LRRK2: variants seen among roughly 807,000 people sequenced by gnomAD.
LRRK2 encodes leucine-rich repeat serine/threonine-protein kinase 2.
LRRK2 carries 203 observed loss-of-function variants against 302.6 expected under a neutral mutation model. That is an observed-to-expected ratio of 0.67 (90% confidence interval 0.60 to 0.75). The LOEUF (loss-of-function observed/expected upper bound fraction) is 0.75. LRRK2 is among the 30% of genes least tolerant of loss of function. LRRK2 has a pLI of 0.00. For synonymous variants in LRRK2, 1,066 were observed against 1,031.9 expected (o/e 1.03, Z -0.63); for missense variants, 2,830 against 2,951.0 (o/e 0.96, Z 0.95).
chr12:40,287,670 CAGTTA>C, intron 20 of LRRK2, 131 bp downstream of exon 20: 1 of 884,962 alleles, frequency 1.1e-6, no homozygotes, highest in Non-Finnish European at 1.7e-6. Context: ...TTATCGCAAA[CAGTTA>C]AGTTTACTAA....
At chr12:40,336,457 G>A (rs190844553) in intron 40 of LRRK2, among the ~76,000 whole-genome samples, 31 of 152,172 alleles carry the variant, frequency 2.0e-4, no homozygotes, top group Admixed American at 5.2e-4. Flanking sequence ...GGGACTTTTC[G>A]TCTTGTTTGC....
In LRRK2 at chr12:40,359,242, C is replaced by CTT. The variant is rs72546334; in HGVS notation, c.6844-9_6844-8dup. ...ATACTCAATTTGCTGAGTGTGTTTTCTTTTTTTTTTGGCAAAGCTTAAAGG... is the reference window on the plus strand; with the variant it reads ...ATACTCAATTTGCTGAGTGTGTTTTCTTTTTTTTTTTTGGCAAAGCTTAAAGG... On this transcript the variant is annotated splice_polypyrimidine_tract_variant and intron_variant, in intron 46 of 50. Transcript: ENST00000298910. The CTT allele has an allele frequency of 0.028, 32,214 of 1,158,040 alleles. 2 individuals are homozygous for CTT. Among genetic ancestry groups the CTT allele is most frequent in the Non-Finnish European group, 0.03 (24,954 of 819,614 alleles). 71.7% of individuals were successfully genotyped at this position (1,158,040 alleles called of 1,614,324 possible).
chr12:40,290,778 T>A (rs1264423795), intron 20 of LRRK2, among the ~76,000 whole-genome samples: 3 of 152,108 alleles, frequency 2.0e-5, no homozygotes, highest in Non-Finnish European at 4.4e-5. Flanking sequence ...TTTTCTCTAT[T>A]GTTTGTGTTA....
intron 22 of LRRK2, among the ~76,000 whole-genome samples, 167 bp from the exon 23 acceptor site, chr12:40,295,260 T>C (rs1210358304): frequency 6.6e-6 from 1 of 152,142 alleles, no homozygotes; most frequent in Non-Finnish European, 1.5e-5. Flanking sequence ...GCTTTTTATT[T>C]ACTGTTCATC....
chr12:40,278,067 A>C, intron 17 of LRRK2, 24 bp from the exon 18 acceptor site: 1 of 1,613,862 alleles, frequency 6.2e-7, no homozygotes, highest in East Asian at 2.2e-5. Flanking sequence ...ATCTGACTCT[A>C]ATTCTCATTT....
chr12:40,245,393 A>G (rs1941934652), intron 7 of LRRK2, among the ~76,000 whole-genome samples: 1 of 152,028 alleles, frequency 6.6e-6, no homozygotes, highest in East Asian at 1.9e-4. Flanking sequence ...CATTAATCTG[A>G]TTTGTCTGAA....
intron 16 of LRRK2, among the ~76,000 whole-genome samples, chr12:40,277,264 A>C (rs1341011467): frequency 6.6e-6 from 1 of 152,126 alleles, no homozygotes; most frequent in Non-Finnish European, 1.5e-5. Context: ...AAGAGGACAG[A>C]CTCTGGGGAT....
chr12:40,327,761 G>A (rs1945595587), intron 38 of LRRK2, among the ~76,000 whole-genome samples: 1 of 152,144 alleles, frequency 6.6e-6, no homozygotes, highest in Non-Finnish European at 1.5e-5. Flanking sequence ...AAATGGGTGT[G>A]GTGGTAGTGG....
chr12:40,257,382 T>C lies in LRRK2; in HGVS notation c.1418+5T>C. On this transcript the variant is annotated splice_donor_5th_base_variant and intron_variant, in intron 12 of 50. Transcript: ENST00000298910. ...AAATCATCTTTTTGAAGGAAGGTAA[T>C]ATAGATTCATTAACTTGTACAGAAT... 1 of 1,611,914 alleles carries C rather than the reference T, an allele frequency of 6.2e-7. No homozygotes were observed. Among genetic ancestry groups the C allele is most frequent in the East Asian group, 2.2e-5 (1 of 44,700 alleles).
intron 45 of LRRK2, among the ~76,000 whole-genome samples, chr12:40,355,132 G>A (rs568912902): frequency 4.6e-5 from 7 of 152,122 alleles, no homozygotes; most frequent in African/African-American, 1.7e-4. Context: ...GTTAGTATTG[G>A]AAAAAAAGTA....
At chr12:40,367,121 T>C (rs201217159) in intron 50 of LRRK2, 44 bp downstream of exon 50, 96 of 1,365,708 alleles carry the variant, frequency 7.0e-5, no homozygotes, top group Non-Finnish European at 6.4e-5. Flanking sequence ...GGCAATGATG[T>C]GAATGATGGT....
intron 2 of LRRK2, 26 bp downstream of exon 2, chr12:40,225,666 T>A: frequency 6.4e-7 from 1 of 1,573,336 alleles, no homozygotes; most frequent in Non-Finnish European, 8.7e-7. Flanking sequence ...TCACTTCAAC[T>A]CATTCTCCCT....
intron 44 of LRRK2, among the ~76,000 whole-genome samples, chr12:40,352,191 G>A (rs1176217814): frequency 6.6e-6 from 1 of 151,984 alleles, no homozygotes; most frequent in Non-Finnish European, 1.5e-5. Flanking sequence ...TGGGGGTAGT[G>A]TAACTTTCAA....
intron 5 of LRRK2, 149 bp from the exon 6 acceptor site, chr12:40,240,334 G>A (rs1941668385): frequency 1.3e-6 from 1 of 742,218 alleles, no homozygotes. Flanking sequence ...ACATTCTTAG[G>A]AAGGGCTGCT....
At chr12:40,323,774 G>T in intron 38 of LRRK2, among the ~76,000 whole-genome samples, 1 of 148,782 alleles carries the variant, frequency 6.7e-6, no homozygotes, top group African/African-American at 2.5e-5. Flanking sequence ...AGTCAAAAGT[G>T]TTACATGGTG....
In LRRK2 at chr12:40,276,774, G is replaced by A. The variant is rs548827708; in HGVS notation, c.1942-1114G>A. Among the ~76,000 whole-genome samples the A allele has an allele frequency of 2.2e-4, 34 of 152,208 alleles. 1 individual carries two copies. The highest frequency in any genetic ancestry group is 1.7e-3 in the South Asian group (8 of 4,816). ...CTTTGCTTATCAAATATTAGTATTCGTAGATACTCAGCATCATAAGAGTTC... is the reference window on the plus strand; with the variant it reads ...CTTTGCTTATCAAATATTAGTATTCATAGATACTCAGCATCATAAGAGTTC... On this transcript the variant is annotated intron_variant, in intron 16 of 50. Transcript: ENST00000298910.
At chr12:40,281,735 A>G (rs1025212708) in intron 18 of LRRK2, among the ~76,000 whole-genome samples, 6 of 152,200 alleles carry the variant, frequency 3.9e-5, no homozygotes, top group African/African-American at 1.4e-4. Context: ...TCTTCATGGC[A>G]CCATATGCCT....
intron 46 of LRRK2, among the ~76,000 whole-genome samples, chr12:40,358,242 C>T (rs1946603080): frequency 6.6e-6 from 1 of 152,004 alleles, no homozygotes; most frequent in South Asian, 2.1e-4. Context: ...TATTATAGTC[C>T]CATTTGTCTA....
At chr12:40,344,519 A>G (rs1946135934) in intron 41 of LRRK2, among the ~76,000 whole-genome samples, 1 of 152,208 alleles carries the variant, frequency 6.6e-6, no homozygotes, top group African/African-American at 2.4e-5. Flanking sequence ...TTAGGAAAAT[A>G]CACACATTTC....
Sources: allele counts gnomAD v4.1 joint callset (sites outside exome capture counted in the v4.1 genomes callset), GRCh38; gene constraint gnomAD v4.1.1; transcripts MANE v1.5; gene names NCBI Gene and HGNC (gene_info 2026-07-23, HGNC 2026-07-21).